SOBP: variants seen among roughly 807,000 people sequenced by gnomAD.
SOBP encodes sine oculis-binding protein homolog.
Under a neutral mutation model 53.6 loss-of-function variants are expected in SOBP, and 4 were observed. The observed-to-expected ratio is 0.07, with a 90% CI of 0.04 to 0.17. The LOEUF (loss-of-function observed/expected upper bound fraction) is 0.17. SOBP is among the 10% of genes least tolerant of loss of function. The pLI is 1.00. For synonymous variants in SOBP, 584 were observed against 522.6 expected (o/e 1.12, Z -1.60); for missense variants, 1,088 against 1,204.7 (o/e 0.90, Z 1.43).
chr6:107,540,623 A>C (rs1784123836), intron 4 of SOBP, among the ~76,000 whole-genome samples: 1 of 152,222 alleles, frequency 6.6e-6, no homozygotes, highest in South Asian at 2.1e-4. Context: ...GAGGCAGATC[A>C]ATGGTTTAAT....
At chr6:107,581,686 A>G (rs1785406099) in intron 4 of SOBP, among the ~76,000 whole-genome samples, 1 of 152,262 alleles carries the variant, frequency 6.6e-6, no homozygotes, top group Non-Finnish European at 1.5e-5. Context: ...ACCAGAAACG[A>G]GATTTCAGAA....
At chr6:107,631,094 C>G (rs1770696263) in intron 5 of SOBP, among the ~76,000 whole-genome samples, 1 of 152,062 alleles carries the variant, frequency 6.6e-6, no homozygotes. Flanking sequence ...ATTTTTTACT[C>G]CATTTGAAAA....
chr6:107,594,862 G>A (rs1261573641), intron 5 of SOBP, among the ~76,000 whole-genome samples: 3 of 152,192 alleles, frequency 2.0e-5, no homozygotes, highest in Non-Finnish European at 4.4e-5. Context: ...CTGGGGGAGG[G>A]CAGGAGGCCC....
chr6:107,582,394 C>A (rs1323021430), intron 4 of SOBP, among the ~76,000 whole-genome samples: 1 of 152,074 alleles, frequency 6.6e-6, no homozygotes, highest in African/African-American at 2.4e-5. Flanking sequence ...TTTGTTTAAA[C>A]CAGAGGTTTT....
Position 107,634,887 on chromosome 6 carries a change from G to A in SOBP, c.2043G>A (p.Glu681=), listed in dbSNP as rs1183778945. 1 of 1,322,452 alleles carries A rather than the reference G, an allele frequency of 7.6e-7. No individual in the cohort carries two copies. Among genetic ancestry groups the A allele is most frequent in the South Asian group, 1.7e-5 (1 of 57,282 alleles). 81.9% of individuals were successfully genotyped at this position (1,322,452 alleles called of 1,614,324 possible). ...ALHAHVKAER[E]PSAAERRTCG... ...ACGCGCACGTCAAGGCGGAGCGCGA[G>A]CCGAGCGCCGCGGAGCGCAGGACCT... Residue 681 remains glutamate, a synonymous_variant, in exon 6 of 7, where the codon GAG becomes GAA. Coordinates refer to ENST00000317357, the MANE Select transcript of SOBP (RefSeq NM_018013.4). The surrounding 1 kb of genome is among the most constrained non-coding windows in gnomAD (Gnocchi z 4.5).
intron 3 of SOBP, among the ~76,000 whole-genome samples, chr6:107,526,665 T>C (rs957478527): frequency 2.0e-5 from 3 of 152,242 alleles, no homozygotes; most frequent in Non-Finnish European, 2.9e-5. Context: ...TAGTTCTTTC[T>C]GGAGTCACAT....
chr6:107,544,423 A>T (rs998962597), intron 4 of SOBP, among the ~76,000 whole-genome samples: 1 of 152,222 alleles, frequency 6.6e-6, no homozygotes, highest in Non-Finnish European at 1.5e-5. Context: ...CTTATAGTCC[A>T]TTGAGGGACA....
chr6:107,561,494 C>G (rs1394450629), intron 4 of SOBP, among the ~76,000 whole-genome samples: 1 of 152,166 alleles, frequency 6.6e-6, no homozygotes, highest in Non-Finnish European at 1.5e-5. Context: ...GAGGCTTTCT[C>G]CATGAAGTTG....
At chr6:107,527,282 G>A (rs937795485) in intron 3 of SOBP, among the ~76,000 whole-genome samples, 1 of 152,224 alleles carries the variant, frequency 6.6e-6, no homozygotes, top group African/African-American at 2.4e-5. Flanking sequence ...GCAACATCTT[G>A]TCAACTATTA....
chr6:107,656,384 G>A (rs1466766389), intron 6 of SOBP, among the ~76,000 whole-genome samples: 1 of 149,080 alleles, frequency 6.7e-6, no homozygotes, highest in Non-Finnish European at 1.5e-5. Flanking sequence ...TCAAATGTGA[G>A]CTCTTTATTC....
intron 3 of SOBP, among the ~76,000 whole-genome samples, chr6:107,518,255 A>G (rs1286956312): frequency 6.6e-6 from 1 of 152,166 alleles, no homozygotes; most frequent in African/African-American, 2.4e-5. Flanking sequence ...CAATCTCATT[A>G]CTCATTAGGG....
At chr6:107,542,805 G>A (rs2114999855) in intron 4 of SOBP, among the ~76,000 whole-genome samples, 1 of 151,994 alleles carries the variant, frequency 6.6e-6, no homozygotes, top group Admixed American at 6.5e-5. Flanking sequence ...AAGGCACCAG[G>A]GAGGGATGCT....
At chr6:107,645,034 A>G (rs879455512) in intron 6 of SOBP, among the ~76,000 whole-genome samples, 1 of 152,162 alleles carries the variant, frequency 6.6e-6, no homozygotes, top group Non-Finnish European at 1.5e-5. Context: ...GTGGAAAAAC[A>G]TTATAACCTT....
chr6:107,533,323 G>T, intron 3 of SOBP, 136 bp from the exon 4 acceptor site: 1 of 405,922 alleles, frequency 2.5e-6, no homozygotes, highest in Non-Finnish European at 4.5e-6. Context: ...GAGAGAGAGA[G>T]AAAGAAAAAG....
intron 4 of SOBP, among the ~76,000 whole-genome samples, chr6:107,556,033 C>G (rs1463804365): frequency 6.6e-6 from 1 of 152,178 alleles, no homozygotes; most frequent in Admixed American, 6.5e-5. Context: ...CAGTTGAAGA[C>G]TTTTAGAGAT....
At chr6:107,642,523 C>T (rs1771374841) in intron 6 of SOBP, among the ~76,000 whole-genome samples, 1 of 152,182 alleles carries the variant, frequency 6.6e-6, no homozygotes, top group Admixed American at 6.5e-5. Flanking sequence ...GCAAAAAATG[C>T]TTGTGCAATT....
In SOBP at chr6:107,542,947, A is replaced by G. The variant is rs545333846; in HGVS notation, c.573+9337A>G. Among the ~76,000 whole-genome samples the G allele has an allele frequency of 4.6e-5, 7 of 152,256 alleles. No homozygotes were observed. In the East Asian group the frequency reaches 9.7e-4, roughly 21 times the overall value. On this transcript the variant is annotated intron_variant, in intron 4 of 6. Coordinates refer to ENST00000317357, the MANE Select transcript of SOBP (RefSeq NM_018013.4). ...ATCTAACTCTTGCTCTGAGAGACCT[A>G]CAGCATCCACGGGCCTTCTCAAGCT...
chr6:107,495,717 G>A (rs1410179223), intron 1 of SOBP, among the ~76,000 whole-genome samples: 1 of 152,182 alleles, frequency 6.6e-6, no homozygotes, highest in Non-Finnish European at 1.5e-5. Flanking sequence ...AAATATTAGT[G>A]AGCACAGTGG....
chr6:107,627,406 G>A (rs1381549419), intron 5 of SOBP, among the ~76,000 whole-genome samples: 1 of 152,222 alleles, frequency 6.6e-6, no homozygotes, highest in Non-Finnish European at 1.5e-5. Flanking sequence ...ACATGAGAAA[G>A]AGAAGGAAGG....
Sources: gnomAD v4.1 joint callset for allele counts (sites outside exome capture counted in the v4.1 genomes callset) on GRCh38, gnomAD v4.1.1 for gene constraint, Gnocchi (gnomAD v3.1) non-coding constraint, MANE v1.5 for transcripts, NCBI Gene and HGNC (gene_info 2026-07-23, HGNC 2026-07-21) for gene names.